The following CNTN5 variants were observed in gnomAD, a reference collection of about 807,000 sequenced individuals.
CNTN5 encodes the protein contactin-5.
CNTN5 carries 77 observed loss-of-function variants against 129.1 expected under a neutral mutation model. That is an observed-to-expected ratio of 0.60 (90% CI 0.50 to 0.72). The LOEUF is 0.72. Ranked by LOEUF, CNTN5 falls within the 30% of genes least tolerant of loss-of-function variation. CNTN5 has a pLI of 0.00. For missense variants in CNTN5, 1,478 were observed against 1,328.8 expected, an observed-to-expected ratio of 1.11 and a Z score of -1.75; for synonymous variants, 509 against 465.6, an observed-to-expected ratio of 1.09 and a Z score of -1.20.
At chr11:99,640,173 G>T (rs73546435) in intron 3 of CNTN5, among the ~76,000 whole-genome samples, 3,541 of 152,182 alleles carry the variant, frequency 0.023, 145 homozygotes, top group African/African-American at 0.08. Context: ...CCTCCAAACT[G>T]TTCCCAGTTC....
chr11:100,309,758 G>T, intron 21 of CNTN5: 1 of 958,480 alleles, frequency 1.0e-6, no homozygotes, highest in East Asian at 1.2e-4. Flanking sequence ...CACTGTGGTG[G>T]TTTGTCCAGT....
At chr11:100,322,808 C>G (rs1167822212) in intron 21 of CNTN5, among the ~76,000 whole-genome samples, 1 of 151,822 alleles carries the variant, frequency 6.6e-6, no homozygotes, top group Non-Finnish European at 1.5e-5. Context: ...TTTAACTTAT[C>G]CTGTATTTAA....
intron 1 of CNTN5, among the ~76,000 whole-genome samples, chr11:99,115,257 C>G (rs529614210): frequency 6.6e-6 from 1 of 152,156 alleles, no homozygotes; most frequent in South Asian, 2.1e-4. Flanking sequence ...TCATTTTTGA[C>G]AAAATACTTT....
At chr11:99,884,686 CAGTA>C (rs1248732694) in intron 6 of CNTN5, among the ~76,000 whole-genome samples, 1 of 152,102 alleles carries the variant, frequency 6.6e-6, no homozygotes. Flanking sequence ...ATGTTAAAAA[CAGTA>C]AGAAGGCTGG....
intron 4 of CNTN5, among the ~76,000 whole-genome samples, chr11:99,837,523 C>T (rs1268070314): frequency 6.6e-6 from 1 of 151,522 alleles, no homozygotes; most frequent in African/African-American, 2.4e-5. Flanking sequence ...TTGTGCATGA[C>T]TTTTTTTTGT....
In CNTN5 at chr11:100,157,199, TAATG is replaced by T. The variant is rs202100685; in HGVS notation, c.1581-33924_1581-33921del. Among the ~76,000 whole-genome samples, 41 of 152,036 alleles carry T rather than the reference TAATG, an allele frequency of 2.7e-4. No homozygotes were observed. In the East Asian group the frequency reaches 7.8e-3, roughly 29 times the overall value. On this transcript the variant is annotated intron_variant, in intron 13 of 24. Coordinates refer to ENST00000524871, the MANE Select transcript of CNTN5 (RefSeq NM_014361.4). ...CTTATAATGGCATGTTGTTAGTACA[TAATG>T]AAGTATAAACATTGAAAGAGGGAAA...
At chr11:99,577,145 A>G (rs1345389676) in intron 3 of CNTN5, among the ~76,000 whole-genome samples, 2 of 152,214 alleles carry the variant, frequency 1.3e-5, no homozygotes, top group African/African-American at 2.4e-5. Flanking sequence ...ACAGGGCTTA[A>G]GAGGGAGGTT....
chr11:99,858,607 C>T (rs1948112510), intron 6 of CNTN5, among the ~76,000 whole-genome samples: 1 of 282 alleles, frequency 3.5e-3, no homozygotes, highest in Admixed American at 0.083. Flanking sequence ...ATGTGCTTAC[C>T]TTTAGAAAGA....
At chr11:99,773,704 C>A (rs532250426) in intron 3 of CNTN5, among the ~76,000 whole-genome samples, 3 of 151,780 alleles carry the variant, frequency 2.0e-5, no homozygotes, top group Admixed American at 6.6e-5. Context: ...AATATTAATG[C>A]CAATTAAATG....
chr11:99,923,278 T>C (rs1014763596), intron 7 of CNTN5, among the ~76,000 whole-genome samples: 1 of 152,152 alleles, frequency 6.6e-6, no homozygotes, highest in Admixed American at 6.5e-5. Context: ...AGACAATAAA[T>C]ATATATATTT....
At chr11:100,188,310 G>A (rs920338788) in intron 13 of CNTN5, among the ~76,000 whole-genome samples, 8 of 151,944 alleles carry the variant, frequency 5.3e-5, no homozygotes, top group African/African-American at 1.5e-4. Context: ...CGGGTGTAGC[G>A]GGCCACAGGG....
At chr11:99,464,314 A>T (rs1388732177) in intron 2 of CNTN5, among the ~76,000 whole-genome samples, 2 of 152,336 alleles carry the variant, frequency 1.3e-5, no homozygotes, top group African/African-American at 4.8e-5. Context: ...AGCACATGTT[A>T]TCATTGGAAG....
At chr11:99,703,157 G>C (rs1400704336) in intron 3 of CNTN5, among the ~76,000 whole-genome samples, 1 of 144,906 alleles carries the variant, frequency 6.9e-6, no homozygotes, top group Admixed American at 7.0e-5. Context: ...TAATCTTTGA[G>C]TTTTGATTTT....
chr11:99,265,512 C>A (rs1005383784), intron 1 of CNTN5, among the ~76,000 whole-genome samples: 2 of 152,038 alleles, frequency 1.3e-5, no homozygotes, highest in East Asian at 1.9e-4. Context: ...ATGATTGAAG[C>A]TCTAGGCAAA....
rs866845091 is a variant in CNTN5 at position 100,061,367 on chromosome 11, C to T, written c.1136C>T (p.Ser379Phe). 5 of 1,598,070 alleles carry T rather than the reference C, an allele frequency of 3.1e-6. No homozygotes were observed. Among genetic ancestry groups the T allele is most frequent in the Non-Finnish European group, 4.3e-6 (5 of 1,167,816 alleles). ...GCTGAAAACTCACGTGGAAAAAATTCCTTTCGTGGACAATTACAAGTATAC... is the reference window on the plus strand; with the variant it reads ...GCTGAAAACTCACGTGGAAAAAATTTCTTTCGTGGACAATTACAAGTATAC... The part of the protein sequence containing the change: ...CRAENSRGKN[S>F]FRGQLQVYTY... The change falls in exon 10 of 25, where the codon TCC (serine) becomes TTC (phenylalanine). Residue 379 changes from serine (S) to phenylalanine (F), a missense_variant. Physicochemically the swap from Ser to Phe is radical, Grantham distance 155. Transcript: ENST00000524871.
chr11:99,096,584 A>G (rs1397322903), intron 1 of CNTN5, among the ~76,000 whole-genome samples: 1 of 151,864 alleles, frequency 6.6e-6, no homozygotes, highest in Non-Finnish European at 1.5e-5. Context: ...AGGAAAAACA[A>G]GTGGTAAAAT....
At chr11:99,740,660 A>T (rs72985888) in intron 3 of CNTN5, among the ~76,000 whole-genome samples, 34,496 of 152,104 alleles carry the variant, frequency 0.23, 4,282 homozygotes, top group Admixed American at 0.35. Context: ...CCACACCCTC[A>T]GCAGGCATCA....
chr11:100,243,574 A>G (rs1949784170), intron 16 of CNTN5, among the ~76,000 whole-genome samples: 1 of 152,154 alleles, frequency 6.6e-6, no homozygotes, highest in African/African-American at 2.4e-5. Flanking sequence ...AGCTACACCT[A>G]ATTAAATTCC....
At chr11:100,261,187 C>T (rs1950189406) in intron 17 of CNTN5, among the ~76,000 whole-genome samples, 1 of 152,112 alleles carries the variant, frequency 6.6e-6, no homozygotes, top group African/African-American at 2.4e-5. Flanking sequence ...TGAGTGAACT[C>T]CCATTCACAA....
Sources: allele counts gnomAD v4.1 joint callset (sites outside exome capture counted in the v4.1 genomes callset), GRCh38; gene constraint gnomAD v4.1.1; transcripts MANE v1.5; gene names NCBI Gene and HGNC (gene_info 2026-07-23, HGNC 2026-07-21).